Variants in NMU observed in about 807,000 individuals in gnomAD.
NMU encodes the protein neuromedin-U.
A neutral mutation model predicts 35.4 loss-of-function variants in NMU; 29 were observed. The ratio of observed to expected loss-of-function variants is 0.82; its 90% CI spans 0.61 to 1.12. The LOEUF is 1.12. Among genes scored for constraint, NMU ranks in the 50% most tolerant of loss-of-function variants. NMU has a pLI of 0.00. For synonymous variants in NMU, 78 were observed against 81.3 expected, an observed-to-expected ratio of 0.96 and a Z score of 0.22; for missense variants, 199 against 206.2, an observed-to-expected ratio of 0.97 and a Z score of 0.21.
chr4:55,610,187 G>T (rs761034601), intron 3 of NMU, among the ~76,000 whole-genome samples: 2 of 152,156 alleles, frequency 1.3e-5, no homozygotes, highest in Admixed American at 1.3e-4. Context: ...AAGAGGTCGG[G>T]TGCAGGGGCT....
chr4:55,598,863 T>A (rs970478709), intron 9 of NMU, among the ~76,000 whole-genome samples: 4 of 152,306 alleles, frequency 2.6e-5, no homozygotes, highest in African/African-American at 7.2e-5. Flanking sequence ...TCACTTATGA[T>A]CATTACTATT....
chr4:55,606,738 C>T (rs13114618), intron 6 of NMU, among the ~76,000 whole-genome samples: 2 of 148,216 alleles, frequency 1.3e-5, no homozygotes, highest in Non-Finnish European at 3.0e-5. Context: ...AGTGCAGTGG[C>T]GTGATCTCAG....
At chr4:55,619,842 A>G (rs1734307536) in intron 2 of NMU, among the ~76,000 whole-genome samples, 1 of 140,976 alleles carries the variant, frequency 7.1e-6, no homozygotes, top group South Asian at 2.7e-4. Flanking sequence ...TGCCTCCTCA[A>G]GTGGGTCCCT....
Sources: gnomAD v4.1 joint callset for allele counts (sites outside exome capture counted in the v4.1 genomes callset) on GRCh38, gnomAD v4.1.1 for gene constraint, MANE v1.5 for transcripts, NCBI Gene and HGNC (gene_info 2026-07-23, HGNC 2026-07-21) for gene names.